Variants in HECW1 observed in about 807,000 individuals in gnomAD.
HECW1 encodes the protein E3 ubiquitin-protein ligase HECW1.
HECW1 carries 61 observed loss-of-function variants against 182.3 expected under a neutral mutation model. That is an observed-to-expected ratio of 0.33 (90% confidence interval 0.27 to 0.41). The LOEUF is 0.41. Among genes scored for constraint, HECW1 ranks in the 10% least tolerant of loss-of-function variants. The pLI is 1.00. For synonymous variants in HECW1, 859 were observed against 832.6 expected, an observed-to-expected ratio of 1.03 and a Z score of -0.55; for missense variants, 1,739 against 2,108.9, an observed-to-expected ratio of 0.82 and a Z score of 3.44.
intron 17 of HECW1, among the ~76,000 whole-genome samples, chr7:43,488,388 AAGGAAGG>A (rs2078749847): frequency 3.2e-5 from 2 of 62,154 alleles, no homozygotes; most frequent in African/African-American, 1.1e-4. Context: ...GGAAGGAAGG[AAGGAAGG>A]AAGGAAATGA....
chr7:43,128,505 A>G (rs1033622420), intron 2 of HECW1, among the ~76,000 whole-genome samples: 7 of 152,246 alleles, frequency 4.6e-5, no homozygotes, highest in Non-Finnish European at 8.8e-5. Context: ...ATTCCATTCA[A>G]AATATTACTG....
intron 2 of HECW1, among the ~76,000 whole-genome samples, chr7:43,211,502 C>G (rs1204976100): frequency 2.0e-5 from 3 of 152,174 alleles, no homozygotes; most frequent in Admixed American, 6.5e-5. Flanking sequence ...TCTCATGGGA[C>G]AGTGTCCTCC....
chr7:43,487,489 C>A (rs144478016), intron 17 of HECW1, among the ~76,000 whole-genome samples: 1 of 152,318 alleles, frequency 6.6e-6, no homozygotes, highest in Non-Finnish European at 1.5e-5. Flanking sequence ...TGGGGAAAGG[C>A]AGGCCACCAA....
intron 5 of HECW1, among the ~76,000 whole-genome samples, chr7:43,335,148 G>A (rs1811960839): frequency 6.6e-6 from 1 of 152,158 alleles, no homozygotes; most frequent in Admixed American, 6.5e-5. Context: ...GAAGGGAAAA[G>A]GCAGAAAGAG....
chr7:43,376,906 A>G (rs1322675135), intron 6 of HECW1, among the ~76,000 whole-genome samples: 2 of 152,056 alleles, frequency 1.3e-5, no homozygotes, highest in Non-Finnish European at 2.9e-5. Context: ...TCTTGATTTC[A>G]GATTTGTAAC....
chr7:43,445,618 C>A, intron 11 of HECW1, 48 bp downstream of exon 11: 4 of 1,477,582 alleles, frequency 2.7e-6, no homozygotes, highest in Non-Finnish European at 3.6e-6. Context: ...ATCAGGGGGA[C>A]AAAGGTGTCA....
chr7:43,153,181 C>T (rs1789525271), intron 2 of HECW1, among the ~76,000 whole-genome samples: 2 of 151,818 alleles, frequency 1.3e-5, no homozygotes, highest in African/African-American at 4.8e-5. Flanking sequence ...TTTTTAAAAC[C>T]ACTGATCTCC....
intron 21 of HECW1, among the ~76,000 whole-genome samples, chr7:43,506,205 G>T (rs2079570606): frequency 6.6e-6 from 1 of 152,044 alleles, no homozygotes; most frequent in Non-Finnish European, 1.5e-5. Context: ...TTGTGTACAG[G>T]TATGTTTATT....
At chr7:43,477,420 C>A (rs560109854) in intron 16 of HECW1, among the ~76,000 whole-genome samples, 7 of 152,102 alleles carry the variant, frequency 4.6e-5, no homozygotes, top group Admixed American at 6.5e-5. Flanking sequence ...AATGAAAAGT[C>A]TATTTTTAAT....
chr7:43,223,051 C>G (rs904401204), intron 2 of HECW1, among the ~76,000 whole-genome samples: 1 of 152,266 alleles, frequency 6.6e-6, no homozygotes, highest in East Asian at 1.9e-4. Context: ...CCTCCCCTGA[C>G]TACTTCCTCA....
intron 2 of HECW1, among the ~76,000 whole-genome samples, chr7:43,133,710 A>G (rs911197343): frequency 1.4e-4 from 21 of 150,550 alleles, no homozygotes; most frequent in Non-Finnish European, 2.8e-4. Context: ...AAATGTGTCT[A>G]TTTTATTGTT....
chr7:43,282,058 G>A (rs1040450072), intron 3 of HECW1, among the ~76,000 whole-genome samples: 2 of 152,146 alleles, frequency 1.3e-5, no homozygotes, highest in African/African-American at 4.8e-5. Flanking sequence ...GATATTAGTT[G>A]TGCAGCTATT....
Position 43,414,547 on chromosome 7 carries a change from A to T in HECW1, c.801+6816A>T, listed in dbSNP as rs1439420623. Among the ~76,000 whole-genome samples, 9 of 151,146 alleles carry T rather than the reference A, an allele frequency of 6.0e-5. No homozygotes were observed. The East Asian group carries it at 1.5e-3, about 26-fold the overall frequency. On this transcript the variant is annotated intron_variant, in intron 8 of 29. Transcript: ENST00000395891. The stretch of plus-strand genomic sequence containing the variant: ...CTGTCTTGTGCCAGTTTTCAAAGGG[A>T]ATGCTTCCAGTTTTTGCCCATTCAG...
chr7:43,539,082 A>G (rs998588937), intron 24 of HECW1, among the ~76,000 whole-genome samples: 1 of 152,228 alleles, frequency 6.6e-6, no homozygotes. Flanking sequence ...GATTTTAGTA[A>G]TAGAATTTTT....
chr7:43,365,820 G>A (rs1411262667), intron 6 of HECW1, among the ~76,000 whole-genome samples: 1 of 152,182 alleles, frequency 6.6e-6, no homozygotes, highest in Non-Finnish European at 1.5e-5. Flanking sequence ...ACGGCTGGGT[G>A]CAGTGGCTCA....
At chr7:43,414,859 A>G (rs1416552974) in intron 8 of HECW1, among the ~76,000 whole-genome samples, 1 of 152,046 alleles carries the variant, frequency 6.6e-6, no homozygotes, top group Admixed American at 6.5e-5. Context: ...TCGGTTTACC[A>G]GTATTTTATT....
chr7:43,206,079 C>G (rs766149133), intron 2 of HECW1, among the ~76,000 whole-genome samples: 15 of 152,204 alleles, frequency 9.9e-5, no homozygotes, highest in Non-Finnish European at 1.9e-4. Context: ...TCTTTCTCCT[C>G]TTTACATTGG....
rs553524708 is a variant in HECW1, at chr7:43,343,771, G to A, written c.461-17115G>A. On this transcript the variant is annotated intron_variant, in intron 5 of 29. Transcript: ENST00000395891. ...TAGTAGCATGATTTATAATCCTTTGGGTATATACCCAGTAATGGGGTCAAA... is the reference window on the plus strand; with the variant it reads ...TAGTAGCATGATTTATAATCCTTTGAGTATATACCCAGTAATGGGGTCAAA... Among the ~76,000 whole-genome samples the A allele has an allele frequency of 9.0e-4, 137 of 151,838 alleles. No individual in the cohort carries two copies. In the Middle Eastern group the frequency reaches 0.027, roughly 30 times the overall value.
At chr7:43,326,868 C>A (rs1042358947) in intron 5 of HECW1, among the ~76,000 whole-genome samples, 1 of 152,196 alleles carries the variant, frequency 6.6e-6, no homozygotes, top group Non-Finnish European at 1.5e-5. Flanking sequence ...TGTTTCCCTG[C>A]GGCGAAGCAG....
Sources: allele counts gnomAD v4.1 joint callset (sites outside exome capture counted in the v4.1 genomes callset), GRCh38; gene constraint gnomAD v4.1.1; transcripts MANE v1.5; gene names NCBI Gene and HGNC (gene_info 2026-07-23, HGNC 2026-07-21).